The following CCDC178 variants were observed in gnomAD, a reference collection of about 807,000 sequenced individuals.
CCDC178 encodes coiled-coil domain containing 178.
CCDC178 carries 126 observed loss-of-function variants against 117.4 expected under a neutral mutation model. That is an observed-to-expected ratio of 1.07 (90% CI 0.93 to 1.24). The LOEUF (loss-of-function observed/expected upper bound fraction) is 1.24, where lower values mean the gene tolerates loss of function less well. Ranked by LOEUF, CCDC178 falls within the 50% of genes most tolerant of loss-of-function variation. CCDC178 has a pLI of 0.00. For missense variants in CCDC178, 1,030 were observed against 986.9 expected (o/e 1.04, Z -0.59); for synonymous variants, 283 against 313.4 (o/e 0.90, Z 1.02).
At chr18:33,029,040 T>G (rs1337087746) in intron 21 of CCDC178, among the ~76,000 whole-genome samples, 1 of 151,914 alleles carries the variant, frequency 6.6e-6, no homozygotes, top group Non-Finnish European at 1.5e-5. Context: ...ATAGAACGAG[T>G]TGGGAAGTGT....
chr18:33,393,566 C>T (rs1202628670), intron 4 of CCDC178, among the ~76,000 whole-genome samples: 1 of 152,032 alleles, frequency 6.6e-6, no homozygotes, highest in Non-Finnish European at 1.5e-5. Context: ...TTTCTTGGAC[C>T]TTGCAATAAT....
At chr18:33,139,421 A>G (rs1034894720) in intron 20 of CCDC178, among the ~76,000 whole-genome samples, 1 of 152,180 alleles carries the variant, frequency 6.6e-6, no homozygotes, top group Non-Finnish European at 1.5e-5. Flanking sequence ...GGAACTACCT[A>G]GAGACTTGTT....
chr18:33,280,160 C>T (rs1041253602), intron 12 of CCDC178, among the ~76,000 whole-genome samples: 7 of 151,846 alleles, frequency 4.6e-5, no homozygotes, highest in Non-Finnish European at 1.0e-4. Context: ...TCAGAGTGCA[C>T]AGGCAACCTA....
rs1163048084 is a variant in CCDC178 at position 33,197,582 on chromosome 18, A to G, written c.2238+14314T>C. Among the ~76,000 whole-genome samples the G allele has an allele frequency of 3.3e-5, 5 of 152,014 alleles. 1 individual carries two copies. The highest frequency in any genetic ancestry group is 4.2e-4 in the South Asian group (2 of 4,818). On this transcript the variant is annotated intron_variant, in intron 20 of 22. Coordinates refer to ENST00000383096, the MANE Select transcript of CCDC178 (RefSeq NM_001105528.4). ...CTTTCCAACTGCAACTGTAAAATTA[A>G]AAAAATGAAACCTTTGTGGCCTACC...
At chr18:33,407,142 C>G (rs2063792723) in intron 3 of CCDC178, among the ~76,000 whole-genome samples, 2 of 152,100 alleles carry the variant, frequency 1.3e-5, no homozygotes, top group Non-Finnish European at 2.9e-5. Context: ...GAGACAGGAC[C>G]TGGAGAGCTG....
intron 20 of CCDC178, among the ~76,000 whole-genome samples, chr18:33,116,160 C>G (rs920358057): frequency 7.2e-5 from 11 of 151,986 alleles, no homozygotes; most frequent in Admixed American, 6.6e-4. Context: ...CAAAGCTGAG[C>G]TACTACAGAG....
Position 33,217,461 on chromosome 18 carries a change from A to G in CCDC178, c.1933-1766T>C, listed in dbSNP as rs565008596. 3.9e-5 allele frequency among the ~76,000 whole-genome samples: 6 copies of G among 152,012 alleles called. No individual in the cohort carries two copies. The South Asian group carries it at 1.2e-3, about 32-fold the overall frequency. On this transcript the variant is annotated intron_variant, in intron 18 of 22. Coordinates refer to ENST00000383096, the MANE Select transcript of CCDC178 (RefSeq NM_001105528.4). Reference sequence around the variant, plus strand: ...TGTGTATATAATTATACCCCTTTTAATCACTCCCATGGCTGTTAATTTTCA... The same window carrying G: ...TGTGTATATAATTATACCCCTTTTAGTCACTCCCATGGCTGTTAATTTTCA...
At chr18:33,415,125 T>C (rs1452193607) in intron 2 of CCDC178, among the ~76,000 whole-genome samples, 1 of 152,216 alleles carries the variant, frequency 6.6e-6, no homozygotes, top group Non-Finnish European at 1.5e-5. Context: ...AGTTCAACCA[T>C]TGTGGAAGAT....
At chr18:33,367,036 C>T (rs1280955061) in intron 6 of CCDC178, among the ~76,000 whole-genome samples, 1 of 151,956 alleles carries the variant, frequency 6.6e-6, no homozygotes, top group East Asian at 1.9e-4. Flanking sequence ...GAAAAATGCA[C>T]CCAGCGCACA....
At chr18:33,194,944 GAC>G (rs1468681559) in intron 20 of CCDC178, among the ~76,000 whole-genome samples, 3 of 119,212 alleles carry the variant, frequency 2.5e-5, no homozygotes, top group Non-Finnish European at 5.1e-5. Flanking sequence ...GAGAGAGAGA[GAC>G]AGAGAGAGAG....
chr18:33,249,597 T>C (rs551520270), intron 14 of CCDC178, among the ~76,000 whole-genome samples: 1 of 152,128 alleles, frequency 6.6e-6, no homozygotes, highest in Non-Finnish European at 1.5e-5. Context: ...GTATTATTTC[T>C]GAGGGCTCTG....
At chr18:33,395,215 CG>C (rs1235785915) in intron 4 of CCDC178, among the ~76,000 whole-genome samples, 5 of 151,126 alleles carry the variant, frequency 3.3e-5, no homozygotes, top group Non-Finnish European at 5.9e-5. Flanking sequence ...TTCGTGAAAT[CG>C]GATGGGGAAA....
At chr18:33,227,842 A>G (rs901919977) in intron 15 of CCDC178, among the ~76,000 whole-genome samples, 6 of 152,094 alleles carry the variant, frequency 3.9e-5, no homozygotes, top group Admixed American at 1.3e-4. Flanking sequence ...ACTTTGATAT[A>G]TCATTTTACT....
intron 21 of CCDC178, among the ~76,000 whole-genome samples, chr18:32,991,295 T>C (rs566102771): frequency 4.9e-4 from 74 of 152,286 alleles, no homozygotes; most frequent in African/African-American, 1.6e-3. Flanking sequence ...AATTTAGGTA[T>C]TGTGTACATA....
intron 2 of CCDC178, among the ~76,000 whole-genome samples, chr18:33,429,901 C>T (rs759268381): frequency 3.3e-5 from 5 of 152,000 alleles, no homozygotes; most frequent in Non-Finnish European, 7.4e-5. Flanking sequence ...TATTTCCAGC[C>T]GTTCTGTGTC....
chr18:32,967,960 TAG>T (rs1185613016), intron 22 of CCDC178, among the ~76,000 whole-genome samples: 20 of 151,898 alleles, frequency 1.3e-4, no homozygotes, highest in Middle Eastern at 6.8e-3. Flanking sequence ...TCAGGATAGA[TAG>T]CATATTCATC....
At chr18:33,043,104 T>C (rs1598819745) in intron 21 of CCDC178, among the ~76,000 whole-genome samples, 1 of 152,044 alleles carries the variant, frequency 6.6e-6, no homozygotes, top group East Asian at 1.9e-4. Flanking sequence ...AATATTGCTA[T>C]GTTAAATAAA....
rs553645659 is a variant in CCDC178, at chr18:33,211,903, T to C, written c.2231A>G (p.Asp744Gly). 7.9e-5 allele frequency: 126 copies of C among 1,603,306 alleles called. No individual in the cohort carries two copies. Among genetic ancestry groups the C allele is most frequent in the Non-Finnish European group, 1.0e-4 (123 of 1,176,502 alleles). The change falls in exon 20 of 23, where the codon GAT becomes GGT. Residue 744 changes from aspartate to glycine, a missense_variant. Transcript: ENST00000383096. ...LLAVRQKTLQ[D>G]TQKIIADSLE... ...TGCAAAAATAATACTCACTTGGGTA[T>C]CTTGAAGAGTTTTTTGTCTTACAGC...
At chr18:33,127,651 G>C (rs943471334) in intron 20 of CCDC178, among the ~76,000 whole-genome samples, 32 of 152,182 alleles carry the variant, frequency 2.1e-4, no homozygotes, top group South Asian at 2.1e-4. Flanking sequence ...GGCCAGGCTG[G>C]TCTTGAACTC....
Sources: allele counts gnomAD v4.1 joint callset (sites outside exome capture counted in the v4.1 genomes callset), GRCh38; gene constraint gnomAD v4.1.1; transcripts MANE v1.5; gene names NCBI Gene and HGNC (gene_info 2026-07-23, HGNC 2026-07-21).